CDH9: variants seen among roughly 807,000 people sequenced by gnomAD.
The protein encoded by CDH9 is cadherin-9.
Under a neutral mutation model 70.9 loss-of-function variants are expected in CDH9, and 28 were observed. The ratio of observed to expected loss-of-function variants is 0.40; its 90% confidence interval spans 0.29 to 0.54. The LOEUF is 0.54. CDH9 is among the 20% of genes least tolerant of loss of function. The pLI is 0.59. For synonymous variants in CDH9, 409 were observed against 343.1 expected (o/e 1.19, Z -2.12); for missense variants, 874 against 984.4 (o/e 0.89, Z 1.50).
chr5:26,973,870 A>C (rs960487690), intron 2 of CDH9, among the ~76,000 whole-genome samples: 1 of 152,162 alleles, frequency 6.6e-6, no homozygotes, highest in Non-Finnish European at 1.5e-5. Flanking sequence ...CCCCATTTTA[A>C]TTATCTTGCA....
chr5:26,881,140 T>G lies in CDH9; in HGVS notation c.2366A>C (p.Asp789Ala), dbSNP rs761146628. 1.9e-6 allele frequency: 3 copies of G among 1,602,126 alleles called. No homozygotes were observed. In the East Asian group the frequency reaches 6.7e-5, roughly 36 times the overall value. The part of the protein sequence containing the change: ...DMYGGDDSDR[D>A] ...TGATTAAGTCAAACAATCCTCTTAG[T>G]CTCGGTCACTATCATCACCCCCATA... The change falls in exon 12 of 12, where the codon GAC (aspartate) becomes GCC (alanine). Residue 789 changes from aspartate (D) to alanine (A), a missense_variant. Coordinates refer to ENST00000231021, the MANE Select transcript of CDH9 (RefSeq NM_016279.4).
chr5:26,925,719 T>G (rs1741325113), intron 2 of CDH9, among the ~76,000 whole-genome samples: 1 of 152,130 alleles, frequency 6.6e-6, no homozygotes, highest in South Asian at 2.1e-4. Context: ...TTTAAATTAA[T>G]TTTTGTATAA....
chr5:26,970,338 A>G (rs1469402066), intron 2 of CDH9, among the ~76,000 whole-genome samples: 1 of 151,956 alleles, frequency 6.6e-6, no homozygotes, highest in African/African-American at 2.4e-5. Flanking sequence ...TCAAGTAGCT[A>G]TGTAAAGAAA....
chr5:27,017,289 C>T (rs2112121345), intron 1 of CDH9, among the ~76,000 whole-genome samples: 1 of 151,970 alleles, frequency 6.6e-6, no homozygotes, highest in South Asian at 2.1e-4. Context: ...CTTTATTTTC[C>T]TAACATCAAA....
chr5:26,887,956 T>C (rs1740592959), intron 9 of CDH9, among the ~76,000 whole-genome samples: 1 of 152,182 alleles, frequency 6.6e-6, no homozygotes, highest in Non-Finnish European at 1.5e-5. Context: ...TGCTGCGTGT[T>C]AATTTTATAC....
chr5:26,972,120 T>C (rs539261580), intron 2 of CDH9, among the ~76,000 whole-genome samples: 51 of 152,276 alleles, frequency 3.3e-4, no homozygotes, highest in African/African-American at 1.2e-3. Flanking sequence ...GAGGATAACA[T>C]TGTGACATGT....
intron 2 of CDH9, among the ~76,000 whole-genome samples, chr5:26,970,790 T>C (rs907958764): frequency 2.0e-5 from 3 of 152,124 alleles, no homozygotes; most frequent in African/African-American, 7.2e-5. Context: ...AAAACTGACC[T>C]TGACCTGTAT....
intron 2 of CDH9, among the ~76,000 whole-genome samples, chr5:26,941,266 A>G (rs1394936325): frequency 6.6e-6 from 1 of 152,186 alleles, no homozygotes; most frequent in Non-Finnish European, 1.5e-5. Flanking sequence ...ATTGGTTTTG[A>G]TGCTCTCTCT....
chr5:26,969,085 T>C (rs1213913964), intron 2 of CDH9, among the ~76,000 whole-genome samples: 1 of 152,188 alleles, frequency 6.6e-6, no homozygotes, highest in Non-Finnish European at 1.5e-5. Flanking sequence ...TAGTTCTATA[T>C]ATTCATTTTC....
chr5:26,975,494 A>C (rs1201121910), intron 2 of CDH9, among the ~76,000 whole-genome samples: 5 of 152,198 alleles, frequency 3.3e-5, no homozygotes, highest in African/African-American at 9.6e-5. Context: ...AAACAACAAG[A>C]GAGTTTATTT....
At chr5:26,943,343 C>T (rs997028022) in intron 2 of CDH9, among the ~76,000 whole-genome samples, 2 of 151,876 alleles carry the variant, frequency 1.3e-5, no homozygotes, top group African/African-American at 2.4e-5. Flanking sequence ...AAAACCCTGC[C>T]TCTACTAAAA....
intron 2 of CDH9, among the ~76,000 whole-genome samples, chr5:26,942,791 T>C (rs148353883): frequency 2.6e-5 from 4 of 152,286 alleles, no homozygotes; most frequent in African/African-American, 9.6e-5. Context: ...CTCACATAAA[T>C]GATCTCTTTG....
intron 1 of CDH9, among the ~76,000 whole-genome samples, chr5:27,026,703 A>T (rs1316866872): frequency 6.6e-6 from 1 of 151,982 alleles, no homozygotes; most frequent in Non-Finnish European, 1.5e-5. Context: ...TAGAAAAAAA[A>T]TTAGTAAATA....
rs199731142 is a variant in CDH9, at chr5:26,885,642, C to T, written c.1854G>A (p.Ala618=). 3.1e-4 allele frequency: 494 copies of T among 1,613,400 alleles called. 6 individuals are homozygous for T. The South Asian group carries it at 4.7e-3, about 15-fold the overall frequency. Residue 618 remains alanine (A), a synonymous_variant, in exon 11 of 12, where the codon GCG becomes GCA. Transcript: ENST00000231021. ...GCAGTATGAGGACACAGAGTAGAATCGCAACGAGAGCTCCCGTGCTCAGGC... is the reference window on the plus strand; with the variant it reads ...GCAGTATGAGGACACAGAGTAGAATTGCAACGAGAGCTCCCGTGCTCAGGC... The part of the protein sequence containing the change: ...SAGLSTGALV[A]ILLCVLILLI...
chr5:26,888,195 A>G (rs1386458432), intron 9 of CDH9, among the ~76,000 whole-genome samples: 1 of 152,200 alleles, frequency 6.6e-6, no homozygotes, highest in Non-Finnish European at 1.5e-5. Flanking sequence ...GTTGCCAAGT[A>G]CATAGGCAAT....
intron 2 of CDH9, among the ~76,000 whole-genome samples, chr5:26,943,916 A>T (rs925966150): frequency 6.6e-6 from 1 of 152,216 alleles, no homozygotes; most frequent in African/African-American, 2.4e-5. Flanking sequence ...TCAATAAATT[A>T]GAGTGTGATT....
At position 27,032,335 on chromosome 5, in the gene CDH9, A is replaced by G. The variant is rs559069120; in HGVS notation, c.-50+6128T>C. On this transcript the variant is annotated intron_variant, in intron 1 of 11. Coordinates refer to ENST00000231021, the MANE Select transcript of CDH9 (RefSeq NM_016279.4). ...TATTAGGCATCTGAATTCTAAACTA[A>G]ACAAAAAAGACAGATGAATATCATT... Among the ~76,000 whole-genome samples the G allele has an allele frequency of 6.5e-4, 98 of 151,730 alleles. 2 individuals are homozygous for G. In the South Asian group the frequency reaches 0.019, roughly 30 times the overall value.
At chr5:26,915,957 A>G in intron 2 of CDH9, 33 bp from the exon 3 acceptor site, 3 of 1,412,196 alleles carry the variant, frequency 2.1e-6, no homozygotes, top group Non-Finnish European at 2.9e-6. Context: ...AGTTCTGTAA[A>G]TATATACATT....
chr5:27,036,111 T>C (rs1421905242), intron 1 of CDH9, among the ~76,000 whole-genome samples: 1 of 151,930 alleles, frequency 6.6e-6, no homozygotes, highest in Non-Finnish European at 1.5e-5. Flanking sequence ...TACACCCATA[T>C]ACTGTAGAAA....
Sources: allele counts gnomAD v4.1 joint callset (sites outside exome capture counted in the v4.1 genomes callset), GRCh38; gene constraint gnomAD v4.1.1; transcripts MANE v1.5; gene names NCBI Gene and HGNC (gene_info 2026-07-23, HGNC 2026-07-21).